TMEM164: variants seen among roughly 807,000 people sequenced by gnomAD.
The protein encoded by TMEM164 is RP13-360B22.2.
Under a neutral mutation model 18.8 loss-of-function variants are expected in TMEM164, and 4 were observed. The ratio of observed to expected loss-of-function variants is 0.21; its 90% CI spans 0.10 to 0.49. The LOEUF (loss-of-function observed/expected upper bound fraction) is 0.49. Among genes scored for constraint, TMEM164 ranks in the 20% least tolerant of loss-of-function variants. TMEM164 has a pLI of 0.98. For synonymous variants in TMEM164, 86 were observed against 101.7 expected (o/e 0.85, Z 0.93); for missense variants, 108 against 239.9 (o/e 0.45, Z 3.63).
At chrX:110,103,106 C>T (rs2066136356) in intron 3 of TMEM164, among the ~76,000 whole-genome samples, 1 of 112,340 alleles carries the variant, frequency 8.9e-6, no homozygotes, top group South Asian at 3.7e-4. Flanking sequence ...GCATCCTATA[C>T]AAAACCAAAA....
intron 5 of TMEM164, 139 bp downstream of exon 5, chrX:110,145,015 G>A: frequency 6.5e-6 from 3 of 462,708 alleles, no homozygotes; most frequent in Non-Finnish European, 7.3e-6. Flanking sequence ...AATTTATGCC[G>A]GGCACCAGGA....
chrX:110,064,943 G>A (rs1209483867), intron 2 of TMEM164, among the ~76,000 whole-genome samples: 1 of 100,789 alleles, frequency 9.9e-6, no homozygotes, highest in Non-Finnish European at 2.0e-5. Context: ...GGTACAGTGA[G>A]CTATGATTGC....
intron 2 of TMEM164, among the ~76,000 whole-genome samples, chrX:110,009,850 A>G (rs1376580899): frequency 1.8e-5 from 2 of 110,371 alleles, no homozygotes; most frequent in East Asian, 5.7e-4. Flanking sequence ...AAAATTAGCC[A>G]GGTGTGGTGG....
chrX:110,103,762 C>A (rs2147956300), intron 3 of TMEM164, among the ~76,000 whole-genome samples: 1 of 111,843 alleles, frequency 8.9e-6, no homozygotes, highest in Admixed American at 9.5e-5. Context: ...CATGACTTTT[C>A]TTTGCTTCTT....
chrX:110,111,869 A>AT (rs1412949194), intron 4 of TMEM164, among the ~76,000 whole-genome samples: 2 of 111,478 alleles, frequency 1.8e-5, no homozygotes, highest in Non-Finnish European at 3.8e-5. Flanking sequence ...CAAAAGGTAC[A>AT]TATCTCCCTG....
At chrX:110,152,212 C>T (rs1053474024) in intron 5 of TMEM164, among the ~76,000 whole-genome samples, 3 of 109,173 alleles carry the variant, frequency 2.7e-5, no homozygotes, top group African/African-American at 6.7e-5. Flanking sequence ...CGTGCCACCA[C>T]GCCCGGCTAA....
chrX:110,072,544 A>G (rs2065609933), intron 3 of TMEM164, among the ~76,000 whole-genome samples: 1 of 110,550 alleles, frequency 9.0e-6, no homozygotes, highest in African/African-American at 3.3e-5. Context: ...GTATCCTCTT[A>G]TTTTATAATT....
At chrX:110,039,157 A>T (rs1358959702) in intron 2 of TMEM164, among the ~76,000 whole-genome samples, 3 of 112,277 alleles carry the variant, frequency 2.7e-5, no homozygotes, top group African/African-American at 9.7e-5. Context: ...TCTGTACAGC[A>T]TGATTCCTGG....
At chrX:110,013,823 G>C (rs907607800) in intron 2 of TMEM164, among the ~76,000 whole-genome samples, 3 of 111,753 alleles carry the variant, frequency 2.7e-5, no homozygotes, top group Non-Finnish European at 5.6e-5. Context: ...AGAATTTCTG[G>C]CTTATTGTGT....
intron 4 of TMEM164, among the ~76,000 whole-genome samples, chrX:110,109,596 A>C (rs2147977286): frequency 8.9e-6 from 1 of 112,649 alleles, no homozygotes; most frequent in South Asian, 3.7e-4. Flanking sequence ...GAAAGAAAGC[A>C]GCTTTCAGGT....
intron 2 of TMEM164, among the ~76,000 whole-genome samples, chrX:110,009,114 A>C (rs894836719): frequency 7.1e-5 from 8 of 112,121 alleles, no homozygotes; most frequent in African/African-American, 2.3e-4. Flanking sequence ...CATGCCTTGC[A>C]CCTGTTAATA....
In TMEM164 at chrX:110,072,989, C is replaced by T. The variant is rs1321070719; in HGVS notation, c.440+5593C>T. Among the ~76,000 whole-genome samples the T allele has an allele frequency of 2.7e-5, 3 of 110,576 alleles. No individual in the cohort carries two copies. The East Asian group carries it at 8.5e-4, about 31-fold the overall frequency. ...AGGTAGTTTTTCAGCCCTTGTCATC[C>T]TCCTTCCCTCCCCTCTCTTGTAGTC... On this transcript the variant is annotated intron_variant, in intron 3 of 6. Transcript: ENST00000372068.
intron 2 of TMEM164, among the ~76,000 whole-genome samples, chrX:110,066,612 A>G (rs147597996): frequency 8.2e-4 from 92 of 112,104 alleles, no homozygotes; most frequent in African/African-American, 2.9e-3. Flanking sequence ...GTTCCTCTTG[A>G]TGTTTGAGCA....
At chrX:110,068,993 A>T (rs1482770641) in intron 3 of TMEM164, among the ~76,000 whole-genome samples, 1 of 111,708 alleles carries the variant, frequency 9.0e-6, no homozygotes, top group Non-Finnish European at 1.9e-5. Flanking sequence ...TTATTCTTTT[A>T]TAATGTTGTA....
chrX:110,154,867 C>G (rs6655080), intron 5 of TMEM164, among the ~76,000 whole-genome samples: 5,703 of 111,565 alleles, frequency 0.051, 364 homozygotes, highest in African/African-American at 0.18. Flanking sequence ...TGGTCGAGTA[C>G]CTTGACCTCT....
At chrX:110,131,965 C>T (rs2066617935) in intron 4 of TMEM164, among the ~76,000 whole-genome samples, 1 of 111,560 alleles carries the variant, frequency 9.0e-6, no homozygotes, top group Non-Finnish European at 1.9e-5. Flanking sequence ...ATTATGGCAG[C>T]TAGGTAGCGT....
At chrX:110,139,124 G>C (rs1218449005) in intron 4 of TMEM164, among the ~76,000 whole-genome samples, 4 of 112,401 alleles carry the variant, frequency 3.6e-5, no homozygotes, top group Non-Finnish European at 7.5e-5. Context: ...AAGAGCTTTT[G>C]TTTCTTTAGA....
rs143881696 is a variant in TMEM164 at position 110,162,507 on chromosome X, C to T, written c.587-8913C>T. On this transcript the variant is annotated intron_variant, in intron 5 of 6. Transcript: ENST00000372068. ...TGGGAGGTTGACAAGATGGACCTTC[C>T]CTGTGAACACTTAACCCAGGACATC... Among the ~76,000 whole-genome samples the T allele has an allele frequency of 2.7e-3, 306 of 112,071 alleles. 3 individuals are homozygous for T. Among genetic ancestry groups the T allele is most frequent in the Middle Eastern group, 0.023 (5 of 219 alleles).
intron 2 of TMEM164, among the ~76,000 whole-genome samples, chrX:110,022,228 G>C (rs1384111938): frequency 5.6e-5 from 6 of 106,344 alleles, no homozygotes; most frequent in Non-Finnish European, 9.4e-5. Context: ...TGTATTGAGT[G>C]ATATCTCAAT....
Sources: gnomAD v4.1 joint callset for allele counts (sites outside exome capture counted in the v4.1 genomes callset) on GRCh38, gnomAD v4.1.1 for gene constraint, MANE v1.5 for transcripts, NCBI Gene and HGNC (gene_info 2026-07-23, HGNC 2026-07-21) for gene names.